Variants in DIP2C observed in about 807,000 individuals in gnomAD.
DIP2C encodes the protein DIP2 acetate--CoA ligase C (putative).
Under a neutral mutation model 192.4 loss-of-function variants are expected in DIP2C, and 33 were observed. The observed-to-expected ratio is 0.17, with a 90% CI of 0.13 to 0.23. The LOEUF (loss-of-function observed/expected upper bound fraction) is 0.23, where lower values mean the gene tolerates loss of function less well. Ranked by LOEUF, DIP2C falls within the 10% of genes least tolerant of loss-of-function variation. The pLI is 1.00. For missense variants in DIP2C, 1,537 were observed against 2,110.1 expected (o/e 0.73, Z 5.32); for synonymous variants, 979 against 864.1 (o/e 1.13, Z -2.33).
chr10:472,589 A>G lies in DIP2C; in HGVS notation c.158-40T>C, dbSNP rs767129307. 3 of 1,548,556 alleles carry G rather than the reference A, an allele frequency of 1.9e-6. No individual in the cohort carries two copies. The Admixed American group carries it at 5.2e-5, about 27-fold the overall frequency. On this transcript the variant is annotated intron_variant, in intron 2 of 36. Transcript: ENST00000280886. ...AAACAGCAGAGTGAGGTGTGACTGT[A>G]CTCAGCGGAGTCAGCAGACTCTAAC...
At chr10:540,636 G>A (rs958849462) in intron 1 of DIP2C, among the ~76,000 whole-genome samples, 5 of 152,138 alleles carry the variant, frequency 3.3e-5, no homozygotes, top group Non-Finnish European at 5.9e-5. Flanking sequence ...CGGTGATCGT[G>A]GCATGACAGT....
intron 18 of DIP2C, among the ~76,000 whole-genome samples, chr10:367,342 G>A (rs562849175): frequency 5.4e-5 from 8 of 148,094 alleles, no homozygotes; most frequent in East Asian, 3.9e-4. Context: ...GCGTGAACCC[G>A]GGAGGCAGAG....
intron 28 of DIP2C, among the ~76,000 whole-genome samples, chr10:343,646 A>T (rs1440319156): frequency 6.6e-6 from 1 of 152,226 alleles, no homozygotes; most frequent in Non-Finnish European, 1.5e-5. Flanking sequence ...TACAACATCC[A>T]TCCAGACTCC....
chr10:499,687 A>G (rs1845091923), intron 1 of DIP2C, among the ~76,000 whole-genome samples: 1 of 152,002 alleles, frequency 6.6e-6, no homozygotes, highest in Non-Finnish European at 1.5e-5. Flanking sequence ...AGGGGAATCC[A>G]CCCCCAGGAT....
At chr10:501,248 T>C (rs1350065369) in intron 1 of DIP2C, among the ~76,000 whole-genome samples, 2 of 152,204 alleles carry the variant, frequency 1.3e-5, no homozygotes, top group African/African-American at 4.8e-5. Flanking sequence ...ATGTTGATAG[T>C]ACACACTTTA....
intron 1 of DIP2C, among the ~76,000 whole-genome samples, chr10:618,349 G>GA (rs886591789): frequency 6.6e-6 from 1 of 152,218 alleles, no homozygotes; most frequent in African/African-American, 2.4e-5. Context: ...CATATCTGCT[G>GA]AAACACAACC....
In DIP2C at chr10:472,568, A is replaced by G. The variant is rs1239503225; in HGVS notation, c.158-19T>C. On this transcript the variant is annotated intron_variant, in intron 2 of 36. Transcript: ENST00000280886. ...TCCACCCCTGGATTTCAATAAAAAC[A>G]GCAGAGTGAGGTGTGACTGTACTCA... is the stretch of plus-strand genomic sequence containing the variant. 6.2e-7 allele frequency: 1 copy of G among 1,602,322 alleles called. No individual in the cohort carries two copies. Among genetic ancestry groups the G allele is most frequent in the Non-Finnish European group, 8.5e-7 (1 of 1,170,366 alleles).
Position 425,046 on chromosome 10 carries a change from C to T in DIP2C, c.395-2013G>A, listed in dbSNP as rs1226510085. Among the ~76,000 whole-genome samples, 4 of 121,422 alleles carry T rather than the reference C, an allele frequency of 3.3e-5. No homozygotes were observed. In the East Asian group the frequency reaches 7.9e-4, roughly 24 times the overall value. The allele number at this position is 121,422 out of a possible 152,430, so 79.7% of individuals were successfully genotyped here. On this transcript the variant is annotated intron_variant, in intron 4 of 36. Coordinates refer to ENST00000280886, the MANE Select transcript of DIP2C (RefSeq NM_014974.3). Reference sequence around the variant, plus strand: ...GACACGGATGATACAGCATGACCAGCGGTGACTAATATGACACGGATGATA... The same window carrying T: ...GACACGGATGATACAGCATGACCAGTGGTGACTAATATGACACGGATGATA...
At chr10:290,285 G>A (rs887864196) in intron 32 of DIP2C, among the ~76,000 whole-genome samples, 4 of 152,344 alleles carry the variant, frequency 2.6e-5, no homozygotes, top group South Asian at 4.1e-4. Flanking sequence ...ACGCCGATAG[G>A]CTTGATGACG....
chr10:581,833 C>T (rs929839887), intron 1 of DIP2C, among the ~76,000 whole-genome samples: 2 of 152,102 alleles, frequency 1.3e-5, no homozygotes, highest in East Asian at 1.9e-4. Flanking sequence ...AACTGAGGTC[C>T]GAGTCCAAAA....
At chr10:440,157 G>A (rs75812039) in intron 4 of DIP2C, among the ~76,000 whole-genome samples, 1 of 152,170 alleles carries the variant, frequency 6.6e-6, no homozygotes. Flanking sequence ...AATTTGGGTA[G>A]TTATGTAAAA....
In DIP2C at chr10:426,743, G is replaced by A. The variant is rs116436385; in HGVS notation, c.395-3710C>T. ...TTGACAAACGTCTCAAGACAATTCA[G>A]TAAGAGAAAGGTAGTATTTTTTTCA... On this transcript the variant is annotated intron_variant, in intron 4 of 36. Coordinates refer to ENST00000280886, the MANE Select transcript of DIP2C (RefSeq NM_014974.3). Among the ~76,000 whole-genome samples the A allele has an allele frequency of 5.9e-3, 903 of 152,272 alleles. 3 individuals are homozygous for A. The highest frequency in any genetic ancestry group is 0.013 in the East Asian group (70 of 5,190).
rs1013043565 is a variant in DIP2C, at chr10:487,570, T to G, written c.86-1040A>C. ...CCGCATCCGCCCATCAATGAGTGTT[T>G]TTTTTTTTTTTTTTTTTTTTTTTTT... On this transcript the variant is annotated intron_variant, in intron 1 of 36. Coordinates refer to ENST00000280886, the MANE Select transcript of DIP2C (RefSeq NM_014974.3). Among the ~76,000 whole-genome samples the G allele has an allele frequency of 4.8e-4, 13 of 27,080 alleles. No homozygotes were observed. In the South Asian group the frequency reaches 5.4e-3, roughly 11 times the overall value. The allele number at this position is 27,080 out of a possible 152,430, so 17.8% of individuals were successfully genotyped here.
Position 582,011 on chromosome 10 carries a change from C to T in DIP2C, c.86-95481G>A, listed in dbSNP as rs150639604. On this transcript the variant is annotated intron_variant, in intron 1 of 36. Transcript: ENST00000280886. ...TAAGGAGCACCTCCGAGATCCCTCA[C>T]GCACAGTTTACAATAGGGTTCCAAC... Among the ~76,000 whole-genome samples, 9 of 152,216 alleles carry T rather than the reference C, an allele frequency of 5.9e-5. No homozygotes were observed. In the East Asian group the frequency reaches 1.2e-3, roughly 20 times the overall value.
chr10:621,646 T>C (rs532920057), intron 1 of DIP2C, among the ~76,000 whole-genome samples: 4 of 152,092 alleles, frequency 2.6e-5, no homozygotes, highest in Non-Finnish European at 5.9e-5. Flanking sequence ...GGGAGACCCC[T>C]CGTGTGATCC....
chr10:289,611 C>A (rs1425427096), intron 32 of DIP2C, among the ~76,000 whole-genome samples: 2 of 152,142 alleles, frequency 1.3e-5, no homozygotes, highest in East Asian at 3.9e-4. Flanking sequence ...CTTATGCACT[C>A]GACACAGCAG....
At chr10:341,075 C>T (rs1434208133) in intron 29 of DIP2C, 124 bp downstream of exon 29, 2 of 1,382,938 alleles carry the variant, frequency 1.4e-6, no homozygotes, top group Non-Finnish European at 2.0e-6. Context: ...ACGGGTAAGC[C>T]CCAGGCCTCC....
intron 34 of DIP2C, among the ~76,000 whole-genome samples, chr10:284,560 C>T (rs181488146): frequency 6.6e-5 from 10 of 152,262 alleles, no homozygotes; most frequent in East Asian, 3.9e-4. Flanking sequence ...TTCATAGAAG[C>T]GGAGGGTAAA....
intron 1 of DIP2C, among the ~76,000 whole-genome samples, chr10:670,241 T>C (rs1830553592): frequency 6.6e-6 from 1 of 151,808 alleles, no homozygotes; most frequent in Non-Finnish European, 1.5e-5. Flanking sequence ...TGCACACGCA[T>C]ATGCACACAC....
Sources: gnomAD v4.1 joint callset for allele counts (sites outside exome capture counted in the v4.1 genomes callset) on GRCh38, gnomAD v4.1.1 for gene constraint, MANE v1.5 for transcripts, NCBI Gene and HGNC (gene_info 2026-07-23, HGNC 2026-07-21) for gene names.